PCSK6: variants seen among roughly 807,000 people sequenced by gnomAD.
PCSK6 encodes proprotein convertase subtilisin/kexin type 6.
PCSK6 carries 85 observed loss-of-function variants against 123.3 expected under a neutral mutation model. The ratio of observed to expected loss-of-function variants is 0.69; its 90% CI spans 0.58 to 0.83. The LOEUF is 0.83. PCSK6 is among the 40% of genes least tolerant of loss of function. PCSK6 has a pLI of 0.00. For missense variants in PCSK6, 1,191 were observed against 1,282.3 expected, an observed-to-expected ratio of 0.93 and a Z score of 1.09; for synonymous variants, 508 against 516.0, an observed-to-expected ratio of 0.98 and a Z score of 0.21.
chr15:101,412,997 A>C, intron 6 of PCSK6, among the ~76,000 whole-genome samples: 1 of 133,048 alleles, frequency 7.5e-6, no homozygotes, highest in South Asian at 2.4e-4. Flanking sequence ...CTAATAATGG[A>C]GGAGGAGTGA....
chr15:101,401,412 A>G (rs2042580399), intron 6 of PCSK6, among the ~76,000 whole-genome samples: 1 of 152,188 alleles, frequency 6.6e-6, no homozygotes, highest in Non-Finnish European at 1.5e-5. Flanking sequence ...TGGCTGCAGG[A>G]CGGCCCAGGG....
At position 101,314,221 on chromosome 15, in the gene PCSK6, C is replaced by T. The variant is rs1187345499; in HGVS notation, c.2570-716G>A. On this transcript the variant is annotated intron_variant, in intron 19 of 21. Transcript: ENST00000611716. ...AGACACAACAGTTCTGAGCAAAGGG[C>T]CACGAGTCATGGAGGAAAACCTTCA... 2.6e-5 allele frequency among the ~76,000 whole-genome samples: 4 copies of T among 152,176 alleles called. No homozygotes were observed. In the East Asian group the frequency reaches 7.7e-4, roughly 29 times the overall value.
In PCSK6 at chr15:101,443,560, G is replaced by C. The variant is rs748589689; in HGVS notation, c.398C>G (p.Pro133Arg). ...RGPHTFLRMDPQVKWLQQQEV... is the reference protein window; with the variant it reads ...RGPHTFLRMDRQVKWLQQQEV... ...AAGCATCCGGACACTCTGTACCTGG[G>C]GGTCCATTCTGAGGAAGGTGTGAGG... The change falls in exon 2 of 22, where the codon CCC (proline) becomes CGC (arginine). Residue 133 changes from proline (P) to arginine (R), a missense_variant. Pro to Arg is a moderately radical substitution (Grantham distance 103). Around this residue, in one of 3 missense-constraint regions of PCSK6, gnomAD observed 204 missense variants for 166.4 expected, o/e 1.23. Coordinates refer to ENST00000611716, the MANE Select transcript of PCSK6 (RefSeq NM_002570.5). 1 of 1,609,650 alleles carries C rather than the reference G, an allele frequency of 6.2e-7. No homozygotes were observed. Among genetic ancestry groups the C allele is most frequent in the Non-Finnish European group, 8.5e-7 (1 of 1,175,942 alleles).
At position 101,318,403 on chromosome 15, in the gene PCSK6, T is replaced by A. The variant is rs370344230; in HGVS notation, c.2485A>T (p.Ile829Phe). 1.8e-5 allele frequency: 28 copies of A among 1,561,010 alleles called. No individual in the cohort carries two copies. The highest frequency in any genetic ancestry group is 8.3e-5 in the South Asian group (7 of 84,452). Residue 829 changes from isoleucine (I) to phenylalanine (F), a missense_variant, in exon 19 of 22, where the codon ATT becomes TTT. By Grantham distance (21) the Ile-to-Phe change is conservative (BLOSUM62 0). Transcript: ENST00000611716. ...TAGGTGCCTGGCTCACAGTCAGGAA[T>A]GCAGCTGCCCCGTGCAAGGCTGTTG... is the stretch of plus-strand genomic sequence containing the variant. ...EGFSLARGSC[I>F]PDCEPGTYFD...
At chr15:101,362,811 A>C (rs940417700) in intron 13 of PCSK6, among the ~76,000 whole-genome samples, 1 of 152,214 alleles carries the variant, frequency 6.6e-6, no homozygotes, top group Non-Finnish European at 1.5e-5. Context: ...ATCTACCCCC[A>C]GGTAGAAGGG....
At chr15:101,471,224 T>C (rs558044788) in intron 1 of PCSK6, among the ~76,000 whole-genome samples, 39 of 152,274 alleles carry the variant, frequency 2.6e-4, no homozygotes, top group Admixed American at 1.5e-3. Flanking sequence ...GAACCCAGAT[T>C]CCAGGAGATT....
chr15:101,437,977 C>G (rs2056649602), intron 2 of PCSK6, among the ~76,000 whole-genome samples: 1 of 152,146 alleles, frequency 6.6e-6, no homozygotes, highest in Non-Finnish European at 1.5e-5. Flanking sequence ...GGACCCTAAT[C>G]CAATCTGGCC....
intron 20 of PCSK6, chr15:101,307,629 G>A (rs983541207): frequency 1.9e-5 from 6 of 324,274 alleles, no homozygotes; most frequent in Admixed American, 8.5e-5. Context: ...CACCCTCCTG[G>A]GCCCTGGCAC....
chr15:101,431,223 TG>T (rs1312831266), intron 4 of PCSK6, 96 bp downstream of exon 4: 68 of 1,269,098 alleles, frequency 5.4e-5, no homozygotes, highest in Non-Finnish European at 3.7e-5. Context: ...TAATGGGGGC[TG>T]GGGGAGATCG....
chr15:101,455,074 A>C (rs1455317849), intron 1 of PCSK6, among the ~76,000 whole-genome samples: 2 of 152,264 alleles, frequency 1.3e-5, no homozygotes, highest in African/African-American at 4.8e-5. Flanking sequence ...TAACAACGTG[A>C]AAATACTAAA....
chr15:101,386,734 T>C (rs184078248), intron 9 of PCSK6, among the ~76,000 whole-genome samples: 102 of 152,334 alleles, frequency 6.7e-4, no homozygotes, highest in African/African-American at 2.3e-3. Flanking sequence ...GATCTCTTCG[T>C]CCATCATGGA....
rs189255031 is a variant in PCSK6 at position 101,450,778 on chromosome 15, G to A, written c.298-7118C>T. Among the ~76,000 whole-genome samples the A allele has an allele frequency of 2.0e-3, 307 of 152,168 alleles. 1 individual carries two copies. Among genetic ancestry groups the A allele is most frequent in the African/African-American group, 6.5e-3 (271 of 41,512 alleles). On this transcript the variant is annotated intron_variant, in intron 1 of 21. Transcript: ENST00000611716. Reference sequence around the variant, plus strand: ...GTCTTTGAGCTCTCTCTCAGTCCCCGTCCCAGGACAGCTGTGAGGTCGGGA... The same window carrying A: ...GTCTTTGAGCTCTCTCTCAGTCCCCATCCCAGGACAGCTGTGAGGTCGGGA...
At position 101,307,252 on chromosome 15, in the gene PCSK6, G is replaced by A. The variant is rs777063276; in HGVS notation, c.2773C>T (p.Leu925=). The change falls in exon 21 of 22, where the codon CTG becomes TTG. Residue 925 remains leucine (L), a synonymous_variant. Coordinates refer to ENST00000611716, the MANE Select transcript of PCSK6 (RefSeq NM_002570.5). ...TGGTTGGTGATGCAGGAGGTCCCCA[G>A]CTGTGTGAAGCCCGTCTTACACCTG... is the stretch of plus-strand genomic sequence containing the variant. The part of the protein sequence containing the change: ...CSRCKTGFTQ[L]GTSCITNHTC... The A allele has an allele frequency of 6.2e-7, 1 of 1,613,796 alleles. No homozygotes were observed. The highest frequency in any genetic ancestry group is 1.7e-5 in the Admixed American group (1 of 60,020).
intron 12 of PCSK6, 84 bp downstream of exon 12, chr15:101,370,251 G>T: frequency 8.4e-7 from 1 of 1,186,198 alleles, no homozygotes; most frequent in Non-Finnish European, 1.1e-6. Flanking sequence ...CAGAGACACT[G>T]TGGGCCCAAG....
intron 13 of PCSK6, among the ~76,000 whole-genome samples, chr15:101,356,678 AAAATAAATAAATAAATAAAT>A (rs201547509): frequency 1.1e-4 from 16 of 142,954 alleles, no homozygotes; most frequent in Admixed American, 2.1e-4. Flanking sequence ...AGACTGTCTC[AAAATAAATAAATAAATAAAT>A]AAATAAATAA....
intron 13 of PCSK6, among the ~76,000 whole-genome samples, chr15:101,341,726 G>A (rs1473088375): frequency 2.6e-5 from 4 of 152,210 alleles, no homozygotes; most frequent in Non-Finnish European, 5.9e-5. Flanking sequence ...AAATGGTAAA[G>A]GATGTGTTTC....
chr15:101,391,869 C>T (rs1286276905), intron 8 of PCSK6, among the ~76,000 whole-genome samples: 1 of 152,240 alleles, frequency 6.6e-6, no homozygotes, highest in Non-Finnish European at 1.5e-5. Context: ...TTTTACCGTT[C>T]TCCAAACTAT....
chr15:101,475,826 A>C (rs1443934528), intron 1 of PCSK6, among the ~76,000 whole-genome samples: 1 of 152,144 alleles, frequency 6.6e-6, no homozygotes, highest in Non-Finnish European at 1.5e-5. Context: ...GAGGGAAAAG[A>C]AGCATATTAA....
chr15:101,391,599 C>T (rs756963309), intron 8 of PCSK6, among the ~76,000 whole-genome samples: 12 of 152,224 alleles, frequency 7.9e-5, no homozygotes, highest in Non-Finnish European at 1.3e-4. Context: ...GGACATCCCT[C>T]GCTCCAGGTG....
Sources: gnomAD v4.1 joint callset for allele counts (sites outside exome capture counted in the v4.1 genomes callset) on GRCh38, gnomAD v4.1.1 for gene constraint, gnomAD v4.1.1 regional missense constraint, MANE v1.5 for transcripts, NCBI Gene and HGNC (gene_info 2026-07-23, HGNC 2026-07-21) for gene names.